FTCDNL1: variants seen among roughly 807,000 people sequenced by gnomAD.
FTCDNL1 encodes formiminotransferase cyclodeaminase N-terminal like.
In FTCDNL1, 11 loss-of-function variants were observed where a neutral mutation model predicts 5.9. The observed-to-expected ratio is 1.87, with a 90% CI of 1.18 to 3.10. The LOEUF (loss-of-function observed/expected upper bound fraction) is 3.10, where lower values mean the gene tolerates loss of function less well. Among genes scored for constraint, FTCDNL1 ranks in the 30% most tolerant of loss-of-function variants. The pLI, the probability that FTCDNL1 is intolerant of heterozygous loss-of-function variation, is 0.00. For synonymous variants in FTCDNL1, 58 were observed against 24.8 expected, an observed-to-expected ratio of 2.34 and a Z score of -3.99; for missense variants, 115 against 65.5, an observed-to-expected ratio of 1.76 and a Z score of -2.61.
chr2:199,776,007 A>C (rs1470740911), intron 3 of FTCDNL1, among the ~76,000 whole-genome samples: 2 of 145,566 alleles, frequency 1.4e-5, no homozygotes, highest in African/African-American at 5.2e-5. Flanking sequence ...TCCACCTCCC[A>C]GGTTCACGCC....
chr2:199,704,319 C>T, the FTCDNL1 span, among the ~76,000 whole-genome samples: 1 of 152,004 alleles, frequency 6.6e-6, no homozygotes, highest in African/African-American at 2.4e-5. Context: ...GTTAAAAAGA[C>T]AAAAACAAAA....
chr2:199,763,781 A>G (rs893018516), intron 3 of FTCDNL1, among the ~76,000 whole-genome samples: 1 of 152,242 alleles, frequency 6.6e-6, no homozygotes, highest in African/African-American at 2.4e-5. Context: ...TTTGAAGTAA[A>G]TTATGTCTAA....
the FTCDNL1 span, among the ~76,000 whole-genome samples, chr2:199,705,673 A>G: frequency 6.6e-6 from 1 of 152,174 alleles, no homozygotes; most frequent in Non-Finnish European, 1.5e-5. Context: ...CCTTAAAGAG[A>G]AAACAGTCAT....
rs1453500565 is a variant in FTCDNL1, at chr2:199,830,122, T to C, written c.212-10365A>G. On this transcript the variant is annotated intron_variant, in intron 3 of 4. Transcript: ENST00000420128. ...TTACAAGCATCCTCTAGTTTTAGTA[T>C]AGCTGTTAATATAGCCAAGTTTTTT... Among the ~76,000 whole-genome samples, 49 of 152,182 alleles carry C rather than the reference T, an allele frequency of 3.2e-4. 1 individual carries two copies. Among genetic ancestry groups the C allele is most frequent in the Admixed American group, 3.1e-3 (47 of 15,274 alleles).
chr2:199,696,920 T>G, the FTCDNL1 span, among the ~76,000 whole-genome samples: 1 of 152,314 alleles, frequency 6.6e-6, no homozygotes, highest in Non-Finnish European at 1.5e-5. Context: ...AGTAAAATAA[T>G]TCCAGAGCTG....
the FTCDNL1 span, among the ~76,000 whole-genome samples, chr2:199,752,341 C>T: frequency 5.9e-5 from 9 of 152,144 alleles, no homozygotes; most frequent in Admixed American, 5.2e-4. Context: ...AAATTTACAC[C>T]CTGTGGTGGT....
At chr2:199,836,242 G>C (rs945936578) in intron 3 of FTCDNL1, among the ~76,000 whole-genome samples, 3 of 152,152 alleles carry the variant, frequency 2.0e-5, no homozygotes, top group African/African-American at 7.2e-5. Flanking sequence ...ATGGCTCACT[G>C]CAGCCTCAAC....
At chr2:199,760,221 A>G (rs1236934890), downstream of FTCDNL1, among the ~76,000 whole-genome samples, 1 of 140,250 alleles carries the variant, frequency 7.1e-6, no homozygotes, top group African/African-American at 2.5e-5. Context: ...AAAAAAAAAC[A>G]AAAAACTCTA....
intron 4 of FTCDNL1, among the ~76,000 whole-genome samples, chr2:199,814,593 G>A (rs1454647501): frequency 6.6e-6 from 1 of 152,172 alleles, no homozygotes. Context: ...CTTGCCTGCT[G>A]TCAGGTTTTT....
chr2:199,687,008 G>T, the FTCDNL1 span, among the ~76,000 whole-genome samples: 1 of 152,116 alleles, frequency 6.6e-6, no homozygotes, highest in Non-Finnish European at 1.5e-5. Context: ...GTTATAATTG[G>T]TTCACTTTGG....
intron 3 of FTCDNL1, among the ~76,000 whole-genome samples, chr2:199,765,690 C>CACT (rs1451458295): frequency 2.7e-5 from 4 of 150,890 alleles, no homozygotes; most frequent in Admixed American, 2.6e-4. Flanking sequence ...CACAGGCGTA[C>CACT]ACTATCATGC....
At chr2:199,807,916 TACC>T (rs1700817377), downstream of FTCDNL1, among the ~76,000 whole-genome samples, 1 of 152,220 alleles carries the variant, frequency 6.6e-6, no homozygotes, top group East Asian at 1.9e-4. Context: ...TCAATCATAA[TACC>T]CAGTGTTGGA....
chr2:199,704,778 C>T, the FTCDNL1 span, among the ~76,000 whole-genome samples: 5 of 152,092 alleles, frequency 3.3e-5, no homozygotes, highest in African/African-American at 1.2e-4. Context: ...AGCAGCCACA[C>T]TTTGCTACAC....
chr2:199,681,180 G>A, the FTCDNL1 span, among the ~76,000 whole-genome samples: 14 of 151,772 alleles, frequency 9.2e-5, no homozygotes, highest in African/African-American at 1.2e-4. Context: ...TCAGCCAGGC[G>A]TGGTGGCTCA....
Position 199,851,099 on chromosome 2 carries a change from G to A in FTCDNL1, c.-367C>T, listed in dbSNP as rs961136543. On this transcript the variant is annotated 5_prime_UTR_variant, in exon 1 of 5. Transcript: ENST00000420128. ...GCGAGCGCCGAAGGGCGGTGGGGCA[G>A]GGCGACCGCCCAGCCCAAGTCGCCG... is the stretch of plus-strand genomic sequence containing the variant. 4 of 149,984 alleles carry A rather than the reference G, an allele frequency of 2.7e-5. No homozygotes were observed. Among genetic ancestry groups the A allele is most frequent in the African/African-American group, 4.8e-5 (2 of 41,310 alleles). The allele number at this position is 149,984 out of a possible 1,614,324, so 9.3% of individuals were successfully genotyped here.
At chr2:199,672,531 G>T in the FTCDNL1 span, among the ~76,000 whole-genome samples, 1 of 152,096 alleles carries the variant, frequency 6.6e-6, no homozygotes, top group Non-Finnish European at 1.5e-5. Context: ...GATTTCTGTG[G>T]CTCAGGAATT....
intron 3 of FTCDNL1, chr2:199,760,979 C>A: frequency 3.0e-6 from 2 of 667,396 alleles, no homozygotes. Flanking sequence ...CAAGGCTTCA[C>A]GTTCTCTGGG....
intron 1 of FTCDNL1, among the ~76,000 whole-genome samples, chr2:199,849,695 T>C (rs1559257364): frequency 6.6e-6 from 1 of 152,228 alleles, no homozygotes; most frequent in African/African-American, 2.4e-5. Flanking sequence ...TTTTTAGTAC[T>C]CTAGAATAGC....
chr2:199,822,358 C>T lies in FTCDNL1; in HGVS notation c.212-2601G>A, dbSNP rs149875853. ...GGTCAAGGCTGCAATGAGCTGAGAT[C>T]ATGCCACTGTACTCCAGCCTTGGTG... is the stretch of plus-strand genomic sequence containing the variant. On this transcript the variant is annotated intron_variant, in intron 3 of 4. Coordinates refer to ENST00000420128, the MANE Select transcript of FTCDNL1 (RefSeq NM_001363886.2). Among the ~76,000 whole-genome samples the T allele has an allele frequency of 1.4e-3, 219 of 152,306 alleles. 1 individual carries two copies. The highest frequency in any genetic ancestry group is 5.0e-3 in the African/African-American group (208 of 41,556).
Sources: allele counts gnomAD v4.1 joint callset (sites outside exome capture counted in the v4.1 genomes callset), GRCh38; gene constraint gnomAD v4.1.1; transcripts MANE v1.5; gene names NCBI Gene and HGNC (gene_info 2026-07-23, HGNC 2026-07-21).